The following PPIP5K1 variants were observed in gnomAD, a reference collection of about 807,000 sequenced individuals.
PPIP5K1 encodes diphosphoinositol pentakisphosphate kinase 1.
In PPIP5K1, 6 loss-of-function variants were observed where a neutral mutation model predicts 27.7. The observed-to-expected ratio is 0.22, with a 90% CI of 0.12 to 0.43. The LOEUF (loss-of-function observed/expected upper bound fraction) is 0.43, where lower values mean the gene tolerates loss of function less well. Ranked by LOEUF, PPIP5K1 falls within the 20% of genes least tolerant of loss-of-function variation. The pLI, the probability that PPIP5K1 is intolerant of heterozygous loss-of-function variation, is 1.00. For synonymous variants in PPIP5K1, 145 were observed against 242.6 expected, an observed-to-expected ratio of 0.60 and a Z score of 3.74; for missense variants, 394 against 635.4, an observed-to-expected ratio of 0.62 and a Z score of 4.08.
chr15:43,548,253 T>C (rs1184989269), intron 30 of PPIP5K1, among the ~76,000 whole-genome samples: 2 of 151,894 alleles, frequency 1.3e-5, no homozygotes, highest in Non-Finnish European at 2.9e-5. Context: ...CACCCGCCAC[T>C]GTGCCTGGCT....
intron 29 of PPIP5K1, among the ~76,000 whole-genome samples, chr15:43,559,489 G>GC (rs1265900449): frequency 1.3e-5 from 2 of 152,170 alleles, no homozygotes. Flanking sequence ...TACACATGAA[G>GC]CTCAGCCCAG....
intron 30 of PPIP5K1, among the ~76,000 whole-genome samples, chr15:43,553,399 G>A (rs143434879): frequency 1.3e-5 from 2 of 151,906 alleles, no homozygotes; most frequent in Non-Finnish European, 2.9e-5. Context: ...GAGTACAGTG[G>A]CACAATCACA....
At chr15:43,545,086 G>T (rs980119729) in intron 30 of PPIP5K1, among the ~76,000 whole-genome samples, 1 of 151,672 alleles carries the variant, frequency 6.6e-6, no homozygotes, top group Non-Finnish European at 1.5e-5. Flanking sequence ...GCTGAGGCAA[G>T]AGAATGACGT....
chr15:43,538,116 G>C (rs1412950284), intron 31 of PPIP5K1, among the ~76,000 whole-genome samples: 1 of 152,146 alleles, frequency 6.6e-6, no homozygotes, highest in Non-Finnish European at 1.5e-5. Context: ...AGAGAGGAAA[G>C]TTTCTTCCTC....
chr15:43,552,528 TAAAAAAAAAAAA>T (rs535937209), intron 30 of PPIP5K1, among the ~76,000 whole-genome samples: 1 of 69,430 alleles, frequency 1.4e-5, no homozygotes, highest in Middle Eastern at 7.8e-3. Context: ...TCTGTCTCTA[TAAAAAAAAAAAA>T]AAAAAGAAAA....
chr15:43,545,497 T>C (rs1378335053), intron 30 of PPIP5K1, among the ~76,000 whole-genome samples: 1 of 146,744 alleles, frequency 6.8e-6, no homozygotes, highest in Non-Finnish European at 1.5e-5. Flanking sequence ...TTTTTTTTAG[T>C]GATGGGGTTG....
Position 43,535,493 on chromosome 15 carries a change from A to G in PPIP5K1, c.3671-17T>C, listed in dbSNP as rs1204488103. The stretch of plus-strand genomic sequence containing the variant: ...CACTGCTGTCTGTAAAGCAAAGTCA[A>G]GAGATCAAGTTAGAGAAGCTGGAAG... On this transcript the variant is annotated splice_polypyrimidine_tract_variant and intron_variant, in intron 31 of 31. Coordinates refer to ENST00000420765, the MANE Select transcript of PPIP5K1 (RefSeq NM_001394395.1). 8 of 1,539,344 alleles carry G rather than the reference A, an allele frequency of 5.2e-6. No individual in the cohort carries two copies. The highest frequency in any genetic ancestry group is 7.0e-6 in the Non-Finnish European group (8 of 1,145,392).
At chr15:43,550,799 G>A (rs1354724891) in intron 30 of PPIP5K1, among the ~76,000 whole-genome samples, 1 of 152,138 alleles carries the variant, frequency 6.6e-6, no homozygotes, top group African/African-American at 2.4e-5. Flanking sequence ...AGTTTGCTGA[G>A]TGTTTTTATC....
intron 31 of PPIP5K1, 57 bp from the exon 32 acceptor site, chr15:43,535,533 T>C (rs2079725901): frequency 1.5e-6 from 2 of 1,329,630 alleles, no homozygotes; most frequent in Admixed American, 4.6e-5. Flanking sequence ...GGCTCTACCC[T>C]GTGCAGATAG....
intron 31 of PPIP5K1, among the ~76,000 whole-genome samples, chr15:43,539,071 C>T (rs924980515): frequency 6.6e-5 from 10 of 151,724 alleles, no homozygotes; most frequent in Admixed American, 2.0e-4. Flanking sequence ...TTTAGCTGGG[C>T]GTGGTGGTGC....
At position 43,581,240 on chromosome 15, in the gene PPIP5K1, C is replaced by G; in HGVS notation, c.926G>C (p.Cys309Ser). Residue 309 changes from cysteine to serine, a missense_variant, in exon 9 of 32, where the codon TGC becomes TCC. By Grantham distance (112) the Cys-to-Ser change is moderately radical. This residue lies in a region of PPIP5K1 where 10 missense variants were observed against 90.2 expected (regional missense o/e 0.11). Transcript: ENST00000420765. ...AMEKLVARKV[C>S]VAFKQTVCGF... is the part of the protein sequence containing the mutation. ...GCCCTCCTCTACCTTGAAAGCTACG[C>G]AGACTTTCCTGGCCACCAGCTTTTC... The G allele has an allele frequency of 1.2e-6, 2 of 1,610,478 alleles. No individual in the cohort carries two copies. Among genetic ancestry groups the G allele is most frequent in the South Asian group, 2.2e-5 (2 of 90,992 alleles).
At chr15:43,558,501 C>T (rs1452758016) in intron 30 of PPIP5K1, among the ~76,000 whole-genome samples, 2 of 152,188 alleles carry the variant, frequency 1.3e-5, no homozygotes, top group African/African-American at 4.8e-5. Context: ...GCTGGGATTA[C>T]AGGCATGAGC....
At chr15:43,572,433 CAAAAAAAA>C (rs1192497589) in intron 23 of PPIP5K1, among the ~76,000 whole-genome samples, 1 of 37,016 alleles carries the variant, frequency 2.7e-5, no homozygotes, top group Admixed American at 3.2e-4. Context: ...GACCTTGTCT[CAAAAAAAA>C]AAAAAAAAAA....
chr15:43,535,296 A>G lies in PPIP5K1; in HGVS notation c.3851T>C (p.Ile1284Thr). ...TPGSGAQELS[I>T]EGEQELFEPN... is the part of the protein sequence containing the mutation. Reference sequence around the variant, plus strand: ...TTCAAAAAGCTCTTGCTCCCCTTCTATGGAGAGCTCTTGTGCTCCACTCCC... The same window carrying G: ...TTCAAAAAGCTCTTGCTCCCCTTCTGTGGAGAGCTCTTGTGCTCCACTCCC... Residue 1284 changes from isoleucine (I) to threonine (T), a missense_variant, in exon 32 of 32, where the codon ATA becomes ACA. Ile to Thr is a moderately conservative substitution (Grantham distance 89). Around this residue, in one of 4 missense-constraint regions of PPIP5K1, gnomAD observed 379 missense variants for 423.9 expected, o/e 0.89. Transcript: ENST00000420765. 6.2e-7 allele frequency: 1 copy of G among 1,614,058 alleles called. No homozygotes were observed. Among genetic ancestry groups the G allele is most frequent in the Non-Finnish European group, 8.5e-7 (1 of 1,179,992 alleles).
At chr15:43,559,076 G>A (rs762269037) in intron 29 of PPIP5K1, 144 bp from the exon 30 acceptor site, 169 of 886,640 alleles carry the variant, frequency 1.9e-4, no homozygotes, top group Middle Eastern at 3.5e-4. Context: ...TTAGGAGAGG[G>A]AACTCTTTAG....
At chr15:43,544,058 T>C (rs948687069) in intron 30 of PPIP5K1, among the ~76,000 whole-genome samples, 5 of 152,142 alleles carry the variant, frequency 3.3e-5, no homozygotes, top group Non-Finnish European at 5.9e-5. Context: ...TTCTTAACTT[T>C]ATATTTTGAA....
intron 30 of PPIP5K1, among the ~76,000 whole-genome samples, chr15:43,542,647 AGTGTGTGTGTGTGTGTGT>A (rs56361192): frequency 1.6e-4 from 19 of 121,362 alleles, no homozygotes; most frequent in Non-Finnish European, 1.4e-4. Flanking sequence ...ATATATATTC[AGTGTGTGTGTGTGTGTGT>A]GTGTGTGTGT....
chr15:43,534,742 T>C lies in PPIP5K1; in HGVS notation c.4405A>G (p.Lys1469Glu), dbSNP rs570531404. Residue 1469 changes from lysine (K) to glutamate (E), a missense_variant, in exon 32 of 32, where the codon AAA (lysine) becomes GAA (glutamate). Physicochemically the swap from Lys to Glu is moderately conservative, Grantham distance 56. Around this residue, in one of 4 missense-constraint regions of PPIP5K1, gnomAD observed 379 missense variants for 423.9 expected, o/e 0.89. Coordinates refer to ENST00000420765, the MANE Select transcript of PPIP5K1 (RefSeq NM_001394395.1). ...LLSQGIPEID[K>E]PSQEFPEEID... ...TCCTCAGGGAACTCTTGGGATGGTT[T>C]ATCAATCTCAGGGATGCCCTGAGAT... The C allele has an allele frequency of 5.5e-4, 854 of 1,549,050 alleles. 13 individuals are homozygous for C. In the South Asian group the frequency reaches 0.01, roughly 19 times the overall value.
At chr15:43,550,161 G>C (rs1037862907) in intron 30 of PPIP5K1, among the ~76,000 whole-genome samples, 3 of 151,428 alleles carry the variant, frequency 2.0e-5, no homozygotes, top group African/African-American at 4.9e-5. Flanking sequence ...TTTGAGACAG[G>C]GTGTTGCTCT....
Sources: gnomAD v4.1 joint callset for allele counts (sites outside exome capture counted in the v4.1 genomes callset) on GRCh38, gnomAD v4.1.1 for gene constraint, gnomAD v4.1.1 regional missense constraint, MANE v1.5 for transcripts, NCBI Gene and HGNC (gene_info 2026-07-23, HGNC 2026-07-21) for gene names.